The following LRPPRC variants were observed in gnomAD, a reference collection of about 807,000 sequenced individuals.
LRPPRC encodes the protein leucine-rich PPR motif-containing protein, mitochondrial.
In LRPPRC, 120 loss-of-function variants were observed where a neutral mutation model predicts 180.3. The observed-to-expected ratio is 0.67, with a 90% confidence interval of 0.57 to 0.77. The LOEUF (loss-of-function observed/expected upper bound fraction) is 0.77. Among genes scored for constraint, LRPPRC ranks in the 30% least tolerant of loss-of-function variants. LRPPRC has a pLI of 0.00. For synonymous variants in LRPPRC, 723 were observed against 600.0 expected, an observed-to-expected ratio of 1.21 and a Z score of -3.00; for missense variants, 2,012 against 1,657.2, an observed-to-expected ratio of 1.21 and a Z score of -3.72.
At chr2:43,956,678 T>G (rs1673130850) in intron 14 of LRPPRC, among the ~76,000 whole-genome samples, 1 of 152,000 alleles carries the variant, frequency 6.6e-6, no homozygotes, top group Admixed American at 6.6e-5. Flanking sequence ...TCACCTGAGG[T>G]CAGGAGTTCG....
chr2:43,978,867 G>A (rs1369946144), intron 3 of LRPPRC, among the ~76,000 whole-genome samples: 1 of 152,020 alleles, frequency 6.6e-6, no homozygotes, highest in Non-Finnish European at 1.5e-5. Context: ...ACTAGAAGAG[G>A]TATGGATTCT....
chr2:43,990,315 A>G (rs1674718570), intron 1 of LRPPRC, among the ~76,000 whole-genome samples: 1 of 152,128 alleles, frequency 6.6e-6, no homozygotes, highest in Non-Finnish European at 1.5e-5. Context: ...CACTCTCACC[A>G]ATCTTCTGTT....
intron 12 of LRPPRC, 135 bp from the exon 13 acceptor site, chr2:43,960,769 G>A (rs938594457): frequency 1.5e-6 from 1 of 676,150 alleles, no homozygotes; most frequent in African/African-American, 1.8e-5. Context: ...CTCAGTAATT[G>A]AATTTTAGCA....
intron 1 of LRPPRC, among the ~76,000 whole-genome samples, chr2:43,992,136 A>G (rs545855497): frequency 1.2e-4 from 19 of 152,324 alleles, no homozygotes; most frequent in African/African-American, 4.6e-4. Flanking sequence ...AGGAGGCACA[A>G]GAAAGGAGCC....
Position 43,943,805 on chromosome 2 carries a change from C to G in LRPPRC, c.2386G>C (p.Ala796Pro). ...ALSFFHMLNG[A>P]ALRGEIETVK... ...GTTTCAATTTCACCTCTTAAAGCTGCGCCATTTAGCATGTGGAAAAAGGAC... is the reference window on the plus strand; with the variant it reads ...GTTTCAATTTCACCTCTTAAAGCTGGGCCATTTAGCATGTGGAAAAAGGAC... Residue 796 changes from alanine (A) to proline (P), a missense_variant, in exon 23 of 38, where the codon GCA (alanine) becomes CCA (proline). Transcript: ENST00000260665. The G allele has an allele frequency of 6.2e-7, 1 of 1,613,438 alleles. No individual in the cohort carries two copies.
chr2:43,901,374 A>G lies in LRPPRC; in HGVS notation c.3515T>C (p.Ile1172Thr), dbSNP rs755918165. The change falls in exon 32 of 38, where the codon ATT (isoleucine) becomes ACT (threonine). Residue 1172 changes from isoleucine (I) to threonine (T), a missense_variant. Transcript: ENST00000260665. ...QKMLNGLEDS[I>T]GLSKMVFINN... is the part of the protein sequence containing the mutation. ...GATGAAAACCATTTTTGAAAGTCCA[A>G]TGGAGTCTTCGAGTCCATTTAACAT... 5 of 1,613,954 alleles carry G rather than the reference A, an allele frequency of 3.1e-6. No homozygotes were observed. The highest frequency in any genetic ancestry group is 2.7e-5 in the African/African-American group (2 of 74,942).
chr2:43,949,199 T>C (rs1268733428), intron 16 of LRPPRC, among the ~76,000 whole-genome samples: 1 of 152,140 alleles, frequency 6.6e-6, no homozygotes. Flanking sequence ...TCATTAAATG[T>C]CAAAACAATG....
At chr2:43,972,015 A>G (rs1426673628) in intron 11 of LRPPRC, among the ~76,000 whole-genome samples, 1 of 152,218 alleles carries the variant, frequency 6.6e-6, no homozygotes, top group Non-Finnish European at 1.5e-5. Context: ...ATTCGTGTAA[A>G]AACTGGCAAC....
chr2:43,908,268 G>C (rs1460136704), intron 30 of LRPPRC, among the ~76,000 whole-genome samples: 1 of 152,150 alleles, frequency 6.6e-6, no homozygotes, highest in African/African-American at 2.4e-5. Flanking sequence ...ACTGCTCTTT[G>C]AATCAGTGGT....
Position 43,984,920 on chromosome 2 carries a change from T to C in LRPPRC, c.150-2486A>G, listed in dbSNP as rs75121925. ...CCTTCCAGACTCCAGCTCCTACCAC[T>C]AATACTCAAATTACCCATAAATGTT... On this transcript the variant is annotated intron_variant, in intron 1 of 37. Coordinates refer to ENST00000260665, the MANE Select transcript of LRPPRC (RefSeq NM_133259.4). Among the ~76,000 whole-genome samples, 39 of 152,246 alleles carry C rather than the reference T, an allele frequency of 2.6e-4. No individual in the cohort carries two copies. In the East Asian group the frequency reaches 7.5e-3, roughly 29 times the overall value.
Position 43,975,110 on chromosome 2 carries a change from T to C in LRPPRC, c.845A>G (p.Asp282Gly), listed in dbSNP as rs1439845184. 4 of 1,613,246 alleles carry C rather than the reference T, an allele frequency of 2.5e-6. No individual in the cohort carries two copies. The highest frequency in any genetic ancestry group is 3.3e-5 in the Admixed American group (2 of 60,004). ...ALLNAYAEKG[D>G]IDHVKQTLEK... ...TCATACCTGCTTAACATGGTCAATG[T>C]CGCCCTTCTCAGCATATGCATTCAA... The change falls in exon 7 of 38, where the codon GAC becomes GGC. Residue 282 changes from aspartate (D) to glycine (G), a missense_variant. Transcript: ENST00000260665.
chr2:43,984,692 A>T (rs371131951), intron 1 of LRPPRC, among the ~76,000 whole-genome samples: 23 of 152,314 alleles, frequency 1.5e-4, no homozygotes, highest in African/African-American at 5.5e-4. Flanking sequence ...GTCGTCACAG[A>T]AAAGAAAGAA....
intron 23 of LRPPRC, among the ~76,000 whole-genome samples, chr2:43,938,636 C>A (rs1290528773): frequency 6.6e-6 from 1 of 152,108 alleles, no homozygotes; most frequent in Non-Finnish European, 1.5e-5. Flanking sequence ...TCTGATAGTA[C>A]CACTCATTTG....
rs1572553004 is a variant in LRPPRC, at chr2:43,963,718, A to G, written c.1370-12T>C. 7.7e-7 allele frequency: 1 copy of G among 1,298,074 alleles called. No individual in the cohort carries two copies. Among genetic ancestry groups the G allele is most frequent in the Admixed American group, 1.7e-5 (1 of 59,616 alleles). The allele number at this position is 1,298,074 out of a possible 1,614,324, so 80.4% of individuals were successfully genotyped here. ...GATTTCAATTATACCTACCAAATAAAATGTAGAAGCACAGAGATAGAGAAC... is the reference window on the plus strand; with the variant it reads ...GATTTCAATTATACCTACCAAATAAGATGTAGAAGCACAGAGATAGAGAAC... On this transcript the variant is annotated splice_polypyrimidine_tract_variant and intron_variant, in intron 11 of 37. Transcript: ENST00000260665.
intron 27 of LRPPRC, among the ~76,000 whole-genome samples, chr2:43,921,839 A>G (rs1427617599): frequency 6.6e-6 from 1 of 152,236 alleles, no homozygotes; most frequent in Non-Finnish European, 1.5e-5. Context: ...TAATATATGA[A>G]TCATTACTGA....
intron 34 of LRPPRC, 75 bp downstream of exon 34, chr2:43,899,144 C>A: frequency 1.0e-6 from 1 of 966,060 alleles, no homozygotes; most frequent in Non-Finnish European, 1.6e-6. Context: ...CCACCACACG[C>A]CTATGTCTAG....
At chr2:43,963,556 A>T (rs1673438139) in intron 12 of LRPPRC, 32 bp downstream of exon 12, 2 of 1,245,242 alleles carry the variant, frequency 1.6e-6, no homozygotes, top group South Asian at 2.4e-5. Flanking sequence ...TATCCTCTTC[A>T]ATTATTAAAT....
intron 1 of LRPPRC, among the ~76,000 whole-genome samples, chr2:43,989,801 T>C (rs759767974): frequency 6.6e-6 from 1 of 152,148 alleles, no homozygotes; most frequent in East Asian, 1.9e-4. Context: ...GTATCTGGAG[T>C]TGAATCTCAA....
Position 43,973,503 on chromosome 2 carries a change from C to G in LRPPRC, c.1369+104G>C, listed in dbSNP as rs1673908810. 4 of 782,552 alleles carry G rather than the reference C, an allele frequency of 5.1e-6. No individual in the cohort carries two copies. The South Asian group carries it at 5.6e-5, about 11-fold the overall frequency. The allele number at this position is 782,552 out of a possible 1,614,324, so 48.5% of individuals were successfully genotyped here. A position where few individuals can be genotyped will look rare whatever the true frequency, so the allele number is the denominator to read the frequency against. On this transcript the variant is annotated intron_variant, in intron 11 of 37. Transcript: ENST00000260665. ...AAAACAATTCCATTATCTCATAATA[C>G]TCAGGAATAAGTATGCTTTTCCAAA...
Sources: gnomAD v4.1 joint callset for allele counts (sites outside exome capture counted in the v4.1 genomes callset) on GRCh38, gnomAD v4.1.1 for gene constraint, MANE v1.5 for transcripts, NCBI Gene and HGNC (gene_info 2026-07-23, HGNC 2026-07-21) for gene names.